The following RIT2 variants were observed in gnomAD, a reference collection of about 807,000 sequenced individuals.
RIT2 encodes the protein GTP-binding protein Rit2.
Under a neutral mutation model 23.7 loss-of-function variants are expected in RIT2, and 24 were observed. The ratio of observed to expected loss-of-function variants is 1.01; its 90% CI spans 0.73 to 1.43. The LOEUF is 1.43. Ranked by LOEUF, RIT2 falls within the 40% of genes most tolerant of loss-of-function variation. RIT2 has a pLI of 0.00. For synonymous variants in RIT2, 107 were observed against 91.1 expected, an observed-to-expected ratio of 1.17 and a Z score of -0.99; for missense variants, 236 against 266.9, an observed-to-expected ratio of 0.88 and a Z score of 0.81.
chr18:42,981,886 T>C (rs1422733531), intron 2 of RIT2, among the ~76,000 whole-genome samples: 2 of 151,904 alleles, frequency 1.3e-5, no homozygotes, highest in African/African-American at 4.8e-5. Flanking sequence ...AAGAAATAGG[T>C]CAAAAAGTGA....
At chr18:42,886,542 G>A (rs1908027722) in intron 4 of RIT2, among the ~76,000 whole-genome samples, 1 of 152,158 alleles carries the variant, frequency 6.6e-6, no homozygotes, top group East Asian at 1.9e-4. Flanking sequence ...AGACCATTTG[G>A]GAAATTATGC....
chr18:42,900,037 C>T (rs988196041), intron 4 of RIT2, among the ~76,000 whole-genome samples: 1 of 151,600 alleles, frequency 6.6e-6, no homozygotes, highest in Non-Finnish European at 1.5e-5. Flanking sequence ...TGAAAATGGA[C>T]CACCAGAAAC....
chr18:43,006,710 T>C (rs1049128974), intron 2 of RIT2, among the ~76,000 whole-genome samples: 5 of 151,412 alleles, frequency 3.3e-5, no homozygotes, highest in Non-Finnish European at 7.4e-5. Context: ...ATACATGACA[T>C]GCAAAGAAGT....
chr18:42,804,836 A>T (rs1264808147), intron 4 of RIT2, among the ~76,000 whole-genome samples: 2 of 152,166 alleles, frequency 1.3e-5, no homozygotes, highest in African/African-American at 2.4e-5. Context: ...AAAACCTGGA[A>T]TTTGTAATTC....
intron 1 of RIT2, among the ~76,000 whole-genome samples, chr18:43,053,932 A>G (rs777630994): frequency 6.6e-6 from 1 of 152,046 alleles, no homozygotes; most frequent in Non-Finnish European, 1.5e-5. Context: ...ACTTGCCTAC[A>G]ATAGAGTCAT....
At chr18:43,062,680 T>C (rs550568669) in intron 1 of RIT2, among the ~76,000 whole-genome samples, 1 of 152,136 alleles carries the variant, frequency 6.6e-6, no homozygotes, top group African/African-American at 2.4e-5. Context: ...CTGTAGTATC[T>C]AGAACAGAGC....
chr18:42,827,675 G>T (rs1344534750), intron 4 of RIT2, among the ~76,000 whole-genome samples: 1 of 152,076 alleles, frequency 6.6e-6, no homozygotes, highest in Non-Finnish European at 1.5e-5. Flanking sequence ...AAATGGAATG[G>T]TCAATAAACA....
At chr18:42,775,287 A>G (rs1370791094) in intron 4 of RIT2, among the ~76,000 whole-genome samples, 1 of 152,180 alleles carries the variant, frequency 6.6e-6, no homozygotes, top group Non-Finnish European at 1.5e-5. Context: ...TAATAATTAA[A>G]TATTTTGGCC....
Position 43,060,456 on chromosome 18 carries a change from C to T in RIT2, c.104-26589G>A, listed in dbSNP as rs115996840. 4.5e-3 allele frequency among the ~76,000 whole-genome samples: 683 copies of T among 152,184 alleles called. 6 individuals are homozygous for T. The highest frequency in any genetic ancestry group is 0.016 in the African/African-American group (653 of 41,540). On this transcript the variant is annotated intron_variant, in intron 1 of 4. Coordinates refer to ENST00000326695, the MANE Select transcript of RIT2 (RefSeq NM_002930.4). ...AATCCAGCAGATAAAATTGCACTTA[C>T]AGTTAAAAGCCCAAATGGTCAGCAA... is the stretch of plus-strand genomic sequence containing the variant.
chr18:43,008,452 G>C (rs891760347), intron 2 of RIT2, among the ~76,000 whole-genome samples: 5 of 151,256 alleles, frequency 3.3e-5, no homozygotes, highest in African/African-American at 9.7e-5. Flanking sequence ...AGTGGAGAGA[G>C]CACAAAGAGA....
At chr18:43,041,808 C>A (rs934988630) in intron 1 of RIT2, among the ~76,000 whole-genome samples, 3 of 152,180 alleles carry the variant, frequency 2.0e-5, no homozygotes, top group Admixed American at 6.5e-5. Flanking sequence ...AAATTTACTT[C>A]TCTGAAAATC....
intron 1 of RIT2, among the ~76,000 whole-genome samples, chr18:43,061,773 G>C (rs62092697): frequency 0.091 from 13,792 of 152,058 alleles, 709 homozygotes; most frequent in East Asian, 0.19. Context: ...TCCCTGCTGA[G>C]AGCTAGCTTT....
chr18:42,915,654 C>T lies in RIT2; in HGVS notation c.426+7918G>A, dbSNP rs1255200347. On this transcript the variant is annotated intron_variant, in intron 4 of 4. Transcript: ENST00000326695. ...AATCTGAGGAAACACAAGCTCTGTT[C>T]CAAAGAAACATGAAACTATCAAGTG... Among the ~76,000 whole-genome samples, 5 of 151,916 alleles carry T rather than the reference C, an allele frequency of 3.3e-5. No homozygotes were observed. In the East Asian group the frequency reaches 7.8e-4, roughly 24 times the overall value.
intron 4 of RIT2, among the ~76,000 whole-genome samples, chr18:42,915,344 C>G (rs2144123640): frequency 6.6e-6 from 1 of 152,072 alleles, no homozygotes; most frequent in African/African-American, 2.4e-5. Flanking sequence ...ACTTTACTCA[C>G]TCAGTATTTA....
intron 4 of RIT2, among the ~76,000 whole-genome samples, chr18:42,833,848 A>C (rs990024684): frequency 2.6e-5 from 4 of 152,076 alleles, no homozygotes; most frequent in Non-Finnish European, 4.4e-5. Flanking sequence ...AAATAAAATA[A>C]AATAAAATAA....
At chr18:43,029,843 T>C (rs1911814835) in intron 2 of RIT2, among the ~76,000 whole-genome samples, 1 of 152,008 alleles carries the variant, frequency 6.6e-6, no homozygotes, top group African/African-American at 2.4e-5. Flanking sequence ...GAAAATTTTC[T>C]TTTGTTAATC....
intron 2 of RIT2, among the ~76,000 whole-genome samples, chr18:42,992,376 A>T (rs2144229649): frequency 6.6e-6 from 1 of 152,216 alleles, no homozygotes; most frequent in Non-Finnish European, 1.5e-5. Flanking sequence ...GAGGTGCCTG[A>T]CGTCCAGGCA....
At chr18:42,863,647 G>T (rs1485998895) in intron 4 of RIT2, among the ~76,000 whole-genome samples, 5 of 152,098 alleles carry the variant, frequency 3.3e-5, no homozygotes, top group Non-Finnish European at 5.9e-5. Flanking sequence ...TCCAGGAAAT[G>T]AACTCTCCAA....
chr18:42,826,457 C>T (rs549104497), intron 4 of RIT2, among the ~76,000 whole-genome samples: 40 of 152,048 alleles, frequency 2.6e-4, no homozygotes, highest in Non-Finnish European at 4.0e-4. Context: ...TAAAATTTTA[C>T]GTTTATATCT....
Sources: allele counts gnomAD v4.1 joint callset (sites outside exome capture counted in the v4.1 genomes callset), GRCh38; gene constraint gnomAD v4.1.1; transcripts MANE v1.5; gene names NCBI Gene and HGNC (gene_info 2026-07-23, HGNC 2026-07-21).